The following HECW2 variants were observed in gnomAD, a reference collection of about 807,000 sequenced individuals.
The protein encoded by HECW2 is HECT, C2 and WW domain containing E3 ubiquitin protein ligase 2, also known as E3 ubiquitin-protein ligase HECW2.
Under a neutral mutation model 175.2 loss-of-function variants are expected in HECW2, and 61 were observed. That is an observed-to-expected ratio of 0.35 (90% CI 0.28 to 0.43). HECW2 has a LOEUF of 0.43. HECW2 is among the 20% of genes least tolerant of loss of function. HECW2 has a pLI of 1.00. For missense variants in HECW2, 1,524 were observed against 2,000.5 expected (o/e 0.76, Z 4.54); for synonymous variants, 671 against 731.0 (o/e 0.92, Z 1.32).
intron 3 of HECW2, among the ~76,000 whole-genome samples, chr2:196,342,214 G>A (rs1046906572): frequency 3.9e-5 from 6 of 151,902 alleles, no homozygotes; most frequent in African/African-American, 1.5e-4. Context: ...AGACCAGCCT[G>A]ACCAACATGG....
intron 1 of HECW2, among the ~76,000 whole-genome samples, chr2:196,514,124 G>A (rs2125421117): frequency 6.6e-6 from 1 of 152,334 alleles, no homozygotes; most frequent in South Asian, 2.1e-4. Context: ...AGGGGCCCAG[G>A]AAGCTCCCCA....
intron 2 of HECW2, among the ~76,000 whole-genome samples, chr2:196,402,121 A>T (rs1247332237): frequency 6.9e-6 from 1 of 145,000 alleles, no homozygotes; most frequent in African/African-American, 2.5e-5. Context: ...GAATGGCATG[A>T]ATCTGGGAGG....
intron 1 of HECW2, among the ~76,000 whole-genome samples, chr2:196,436,875 C>T (rs1695893024): frequency 6.6e-6 from 1 of 151,796 alleles, no homozygotes; most frequent in Non-Finnish European, 1.5e-5. Context: ...ATCAATGGCA[C>T]TTTATATACA....
At chr2:196,209,765 C>CTTTT (rs59896485) in intron 28 of HECW2, among the ~76,000 whole-genome samples, 5 of 140,200 alleles carry the variant, frequency 3.6e-5, no homozygotes, top group Non-Finnish European at 4.6e-5. Flanking sequence ...TTCTTTCTTT[C>CTTTT]TTTTTTTTTT....
chr2:196,232,585 A>C (rs1311403776), intron 21 of HECW2, among the ~76,000 whole-genome samples: 1 of 152,246 alleles, frequency 6.6e-6, no homozygotes, highest in Non-Finnish European at 1.5e-5. Context: ...CAATGACATG[A>C]ACAGGTTATA....
chr2:196,462,922 G>A (rs772676920), intron 1 of HECW2, among the ~76,000 whole-genome samples: 45 of 152,270 alleles, frequency 3.0e-4, no homozygotes, highest in Non-Finnish European at 2.4e-4. Flanking sequence ...CCCCTGGTCC[G>A]GGGAGACTCC....
chr2:196,397,492 G>A (rs755928954), intron 2 of HECW2, among the ~76,000 whole-genome samples: 3 of 152,198 alleles, frequency 2.0e-5, no homozygotes, highest in Non-Finnish European at 4.4e-5. Flanking sequence ...TGGGGTGAAG[G>A]CAGCGGAGGG....
chr2:196,561,730 T>C (rs1690009506), intron 1 of HECW2, among the ~76,000 whole-genome samples: 1 of 152,184 alleles, frequency 6.6e-6, no homozygotes, highest in South Asian at 2.1e-4. Flanking sequence ...ATACATACAA[T>C]GACTTCTTAG....
At chr2:196,336,761 A>T (rs550021533) in intron 3 of HECW2, among the ~76,000 whole-genome samples, 1 of 152,300 alleles carries the variant, frequency 6.6e-6, no homozygotes, top group African/African-American at 2.4e-5. Context: ...AACCCAGATG[A>T]CAAAGTAGAA....
chr2:196,252,376 G>C (rs1394057174), intron 19 of HECW2, among the ~76,000 whole-genome samples: 1 of 151,836 alleles, frequency 6.6e-6, no homozygotes, highest in Admixed American at 6.6e-5. Flanking sequence ...TTGGATGTTT[G>C]TTCCCTCTAA....
intron 3 of HECW2, among the ~76,000 whole-genome samples, chr2:196,342,581 C>G (rs1373515723): frequency 6.6e-6 from 1 of 151,964 alleles, no homozygotes; most frequent in Non-Finnish European, 1.5e-5. Flanking sequence ...CACCATCACC[C>G]AACAGAAAAA....
intron 1 of HECW2, among the ~76,000 whole-genome samples, chr2:196,487,637 T>A (rs1687053945): frequency 6.6e-6 from 1 of 152,110 alleles, no homozygotes; most frequent in African/African-American, 2.4e-5. Flanking sequence ...CGAGCAATGC[T>A]TTGTTAGATA....
intron 19 of HECW2, among the ~76,000 whole-genome samples, chr2:196,246,130 G>A (rs1281461693): frequency 6.6e-6 from 1 of 152,142 alleles, no homozygotes; most frequent in Non-Finnish European, 1.5e-5. Context: ...GGCATAATTT[G>A]CAACACGAAG....
At chr2:196,514,055 C>T (rs1015376828) in intron 1 of HECW2, among the ~76,000 whole-genome samples, 1 of 152,154 alleles carries the variant, frequency 6.6e-6, no homozygotes, top group Non-Finnish European at 1.5e-5. Flanking sequence ...CCTCGCCCTC[C>T]CAGGTACAGC....
At chr2:196,415,593 G>A (rs1695233778) in intron 2 of HECW2, among the ~76,000 whole-genome samples, 1 of 58,606 alleles carries the variant, frequency 1.7e-5, no homozygotes, top group African/African-American at 5.8e-5. Context: ...TGCACGCGCT[G>A]AATGCGGAGC....
intron 1 of HECW2, among the ~76,000 whole-genome samples, chr2:196,591,369 C>T (rs1191858902): frequency 6.6e-6 from 1 of 152,026 alleles, no homozygotes; most frequent in Non-Finnish European, 1.5e-5. Flanking sequence ...GTCCAAGGGG[C>T]CATTTATATA....
At position 196,579,901 on chromosome 2, in the gene HECW2, C is replaced by G. The variant is rs538502731; in HGVS notation, c.-36+13607G>C. ...AACTTGCCAACACCTTGATCTTATACTTCCAGCCTCCAGAATTGCAAGAAA... is the reference window on the plus strand; with the variant it reads ...AACTTGCCAACACCTTGATCTTATAGTTCCAGCCTCCAGAATTGCAAGAAA... On this transcript the variant is annotated intron_variant, in intron 1 of 28. Coordinates refer to ENST00000644978, the MANE Select transcript of HECW2 (RefSeq NM_001348768.2). 2.6e-5 allele frequency among the ~76,000 whole-genome samples: 4 copies of G among 152,298 alleles called. No homozygotes were observed. The South Asian group carries it at 8.3e-4, about 32-fold the overall frequency.
intron 1 of HECW2, 34 bp from the exon 2 acceptor site, chr2:196,433,492 C>A (rs1006158701): frequency 2.4e-5 from 35 of 1,489,132 alleles, no homozygotes; most frequent in Non-Finnish European, 3.2e-5. Context: ...AACATTAGTG[C>A]TACAATACGA....
intron 1 of HECW2, among the ~76,000 whole-genome samples, chr2:196,518,835 G>A (rs145721675): frequency 0.011 from 1,678 of 152,024 alleles, 12 homozygotes; most frequent in Middle Eastern, 0.048. Flanking sequence ...CCTCTTACAA[G>A]CAGCCTTCTC....
Sources: gnomAD v4.1 joint callset for allele counts (sites outside exome capture counted in the v4.1 genomes callset) on GRCh38, gnomAD v4.1.1 for gene constraint, MANE v1.5 for transcripts, NCBI Gene and HGNC (gene_info 2026-07-23, HGNC 2026-07-21) for gene names.